Variants in RALYL observed in about 807,000 individuals in gnomAD.
RALYL encodes RALY RNA binding protein like, also known as RNA-binding Raly-like protein.
Under a neutral mutation model 35.1 loss-of-function variants are expected in RALYL, and 29 were observed. That is an observed-to-expected ratio of 0.83 (90% CI 0.61 to 1.13). The LOEUF (loss-of-function observed/expected upper bound fraction) is 1.13. Among genes scored for constraint, RALYL ranks in the 50% most tolerant of loss-of-function variants. The pLI is 0.00. For synonymous variants in RALYL, 120 were observed against 127.6 expected (o/e 0.94, Z 0.40); for missense variants, 359 against 360.4 (o/e 1.00, Z 0.03).
intron 1 of RALYL, among the ~76,000 whole-genome samples, chr8:84,372,917 C>CTTTTTTTTTTTTTTTTTT (rs1856174202): frequency 2.8e-3 from 137 of 49,028 alleles, no homozygotes; most frequent in African/African-American, 5.2e-3. Context: ...TTTTTTTTTA[C>CTTTTTTTTTTTTTTTTTT]TTTTTAATAA....
intron 2 of RALYL, among the ~76,000 whole-genome samples, chr8:84,584,330 C>A (rs142482221): frequency 4.6e-5 from 7 of 152,238 alleles, no homozygotes; most frequent in Admixed American, 1.3e-4. Flanking sequence ...TAAGGCCAGG[C>A]GTGGTGGCTC....
chr8:84,635,837 A>G (rs2131304566), intron 2 of RALYL, among the ~76,000 whole-genome samples: 2 of 151,816 alleles, frequency 1.3e-5, no homozygotes, highest in South Asian at 2.1e-4. Context: ...AGATGAGGAA[A>G]CTGAGCTCAG....
At chr8:84,441,095 A>G (rs183531801) in intron 1 of RALYL, among the ~76,000 whole-genome samples, 2 of 152,108 alleles carry the variant, frequency 1.3e-5, no homozygotes, top group African/African-American at 4.8e-5. Context: ...GTAGTGGTGT[A>G]TTTTTTTAAT....
intron 7 of RALYL, among the ~76,000 whole-genome samples, chr8:84,874,196 C>G (rs1433336339): frequency 6.6e-6 from 1 of 152,144 alleles, no homozygotes; most frequent in Non-Finnish European, 1.5e-5. Flanking sequence ...CTTCCTCTGA[C>G]CAGTGTAACT....
intron 1 of RALYL, among the ~76,000 whole-genome samples, chr8:84,278,098 T>A (rs1835779322): frequency 6.6e-6 from 1 of 152,234 alleles, no homozygotes; most frequent in Non-Finnish European, 1.5e-5. Flanking sequence ...ACCCTGCCCC[T>A]GCAGCAAACT....
chr8:84,536,188 C>T (rs932116627), intron 2 of RALYL, among the ~76,000 whole-genome samples: 1 of 152,020 alleles, frequency 6.6e-6, no homozygotes, highest in Non-Finnish European at 1.5e-5. Context: ...GATTTTTCTC[C>T]GTTAGATCCC....
chr8:84,388,362 A>T (rs971209185), intron 1 of RALYL, among the ~76,000 whole-genome samples: 1 of 152,144 alleles, frequency 6.6e-6, no homozygotes, highest in African/African-American at 2.4e-5. Flanking sequence ...ATACGCAGTA[A>T]TGGGATGGCT....
At chr8:84,329,111 G>A (rs1244934522) in intron 1 of RALYL, among the ~76,000 whole-genome samples, 1 of 152,016 alleles carries the variant, frequency 6.6e-6, no homozygotes, top group African/African-American at 2.4e-5. Context: ...ATTTTTTGGG[G>A]ATATATACTC....
intron 2 of RALYL, among the ~76,000 whole-genome samples, chr8:84,588,924 G>A (rs1812592406): frequency 6.6e-6 from 1 of 151,588 alleles, no homozygotes; most frequent in African/African-American, 2.4e-5. Flanking sequence ...TTGACATGGA[G>A]TTTCGCTCTT....
At chr8:84,447,384 A>G (rs1271481237) in intron 1 of RALYL, among the ~76,000 whole-genome samples, 2 of 151,910 alleles carry the variant, frequency 1.3e-5, no homozygotes, top group African/African-American at 2.4e-5. Flanking sequence ...GTGATACCTA[A>G]ATGCGTGGCC....
At chr8:84,852,271 C>G (rs1181262446) in intron 5 of RALYL, among the ~76,000 whole-genome samples, 1 of 152,028 alleles carries the variant, frequency 6.6e-6, no homozygotes, top group Non-Finnish European at 1.5e-5. Context: ...ACTAGTTATC[C>G]TTTTCTGACA....
intron 1 of RALYL, among the ~76,000 whole-genome samples, chr8:84,403,157 A>T (rs2043093393): frequency 6.6e-6 from 1 of 152,022 alleles, no homozygotes; most frequent in Admixed American, 6.6e-5. Context: ...GAAGCTCTTT[A>T]GTTTAACTAG....
chr8:84,328,184 G>A (rs879886256), intron 1 of RALYL, among the ~76,000 whole-genome samples: 21 of 152,238 alleles, frequency 1.4e-4, no homozygotes, highest in Non-Finnish European at 2.4e-4. Flanking sequence ...ACACAAGTCT[G>A]GGCCATGACA....
At chr8:84,282,325 T>C (rs894043795) in intron 1 of RALYL, among the ~76,000 whole-genome samples, 5 of 151,750 alleles carry the variant, frequency 3.3e-5, no homozygotes, top group South Asian at 4.1e-4. Flanking sequence ...GGGGTCCTTA[T>C]TACTTTTGTT....
intron 1 of RALYL, among the ~76,000 whole-genome samples, chr8:84,235,455 A>T (rs7840633): frequency 0.029 from 4,486 of 152,304 alleles, 92 homozygotes; most frequent in Non-Finnish European, 0.047. Flanking sequence ...AAATATGATA[A>T]GAATTTGTAT....
chr8:84,884,194 C>T (rs1038504512), intron 7 of RALYL, among the ~76,000 whole-genome samples: 2 of 151,988 alleles, frequency 1.3e-5, no homozygotes, highest in Non-Finnish European at 2.9e-5. Flanking sequence ...TGACAACGAT[C>T]TTCTGAGGCA....
At chr8:84,264,127 T>C (rs1222723778) in intron 1 of RALYL, among the ~76,000 whole-genome samples, 1 of 152,172 alleles carries the variant, frequency 6.6e-6, no homozygotes, top group East Asian at 1.9e-4. Context: ...TGGGTATGTA[T>C]CCAATAATGG....
intron 2 of RALYL, among the ~76,000 whole-genome samples, chr8:84,752,713 C>T (rs1465408335): frequency 6.6e-6 from 1 of 152,146 alleles, no homozygotes; most frequent in Non-Finnish European, 1.5e-5. Flanking sequence ...CAGCTTGGGC[C>T]ACTGCTTCAA....
At chr8:84,596,931 GTC>G (rs1034226207) in intron 2 of RALYL, among the ~76,000 whole-genome samples, 1 of 152,070 alleles carries the variant, frequency 6.6e-6, no homozygotes, top group African/African-American at 2.4e-5. Flanking sequence ...GGCTGGTAGA[GTC>G]TCTCTGTTAC....
Sources: allele counts gnomAD v4.1 joint callset (sites outside exome capture counted in the v4.1 genomes callset), GRCh38; gene constraint gnomAD v4.1.1; transcripts MANE v1.5; gene names NCBI Gene and HGNC (gene_info 2026-07-23, HGNC 2026-07-21).